Variants in RHOT1 observed in about 807,000 individuals in gnomAD.
RHOT1 encodes the protein mitochondrial Rho GTPase 1.
Under a neutral mutation model 95.3 loss-of-function variants are expected in RHOT1, and 27 were observed. That is an observed-to-expected ratio of 0.28 (90% CI 0.21 to 0.39). The LOEUF (loss-of-function observed/expected upper bound fraction) is 0.39, where lower values mean the gene tolerates loss of function less well. Ranked by LOEUF, RHOT1 falls within the 10% of genes least tolerant of loss-of-function variation. RHOT1 has a pLI of 1.00. For synonymous variants in RHOT1, 227 were observed against 263.5 expected, an observed-to-expected ratio of 0.86 and a Z score of 1.34; for missense variants, 578 against 786.7, an observed-to-expected ratio of 0.73 and a Z score of 3.17.
At chr17:32,211,480 G>A in intron 19 of RHOT1, 2 of 302,332 alleles carry the variant, frequency 6.6e-6, no homozygotes, top group East Asian at 5.6e-5. Context: ...TTTTTCATAA[G>A]GAAGATAAAT....
intron 1 of RHOT1, among the ~76,000 whole-genome samples, chr17:32,144,816 G>T (rs1320967374): frequency 7.5e-6 from 1 of 134,040 alleles, no homozygotes; most frequent in African/African-American, 3.4e-5. Flanking sequence ...GTGAGACCCC[G>T]CCTCAAAAAA....
At chr17:32,149,762 T>C (rs73284184) in intron 1 of RHOT1, among the ~76,000 whole-genome samples, 1 of 150,674 alleles carries the variant, frequency 6.6e-6, no homozygotes, top group Non-Finnish European at 1.5e-5. Context: ...CATATATATA[T>C]AGAGAGAAGA....
chr17:32,224,113 T>A (rs1040527440), intron 19 of RHOT1, among the ~76,000 whole-genome samples: 2 of 152,218 alleles, frequency 1.3e-5, no homozygotes, highest in African/African-American at 4.8e-5. Flanking sequence ...TGTAAATTTT[T>A]ATGAGGCTCA....
intron 1 of RHOT1, chr17:32,150,451 A>G: frequency 1.3e-6 from 1 of 776,490 alleles, no homozygotes; most frequent in Non-Finnish European, 2.1e-6. Flanking sequence ...AAAGTCTACC[A>G]TATTGGAGGT....
At chr17:32,183,128 G>T in intron 7 of RHOT1, 43 bp from the exon 8 acceptor site, 1 of 1,444,020 alleles carries the variant, frequency 6.9e-7, no homozygotes, top group Non-Finnish European at 9.5e-7. Context: ...ATTGTTTTTA[G>T]CTCTCATAAT....
chr17:32,155,821 C>T (rs1349626622), intron 1 of RHOT1, among the ~76,000 whole-genome samples: 1 of 152,222 alleles, frequency 6.6e-6, no homozygotes, highest in African/African-American at 2.4e-5. Flanking sequence ...GGATTACAGA[C>T]ATGAGCCACT....
chr17:32,213,633 C>T (rs919265640), intron 19 of RHOT1, among the ~76,000 whole-genome samples: 2 of 152,168 alleles, frequency 1.3e-5, no homozygotes, highest in Non-Finnish European at 2.9e-5. Context: ...ATCTAATTAG[C>T]AAGCAACATC....
chr17:32,207,953 C>T (rs1305956322), intron 17 of RHOT1, among the ~76,000 whole-genome samples, 154 bp from the exon 18 acceptor site: 1 of 151,984 alleles, frequency 6.6e-6, no homozygotes, highest in Non-Finnish European at 1.5e-5. Flanking sequence ...ATGAGATTTA[C>T]CTAGACCACT....
intron 18 of RHOT1, chr17:32,208,609 A>C: frequency 4.0e-6 from 1 of 252,660 alleles, no homozygotes; most frequent in Non-Finnish European, 7.7e-6. Context: ...ACTGGAATAA[A>C]ATGGGTTTGG....
intron 19 of RHOT1, chr17:32,222,902 G>T: frequency 1.0e-6 from 1 of 985,262 alleles, no homozygotes; most frequent in Non-Finnish European, 1.2e-6. Context: ...CTTGAAGCCA[G>T]GTAACATTTC....
At chr17:32,176,272 T>G (rs2034992366) in intron 6 of RHOT1, 59 bp downstream of exon 6, 8 of 1,335,722 alleles carry the variant, frequency 6.0e-6, no homozygotes, top group Non-Finnish European at 8.5e-6. Flanking sequence ...GCAGAAAAGG[T>G]ACAAGAAGTA....
intron 1 of RHOT1, among the ~76,000 whole-genome samples, chr17:32,158,293 A>G (rs1477938787): frequency 2.6e-5 from 4 of 152,256 alleles, no homozygotes. Context: ...TGGGTCATGT[A>G]GAAGCGTAAG....
chr17:32,216,600 T>C (rs2038492531), intron 19 of RHOT1, among the ~76,000 whole-genome samples: 1 of 152,174 alleles, frequency 6.6e-6, no homozygotes, highest in Non-Finnish European at 1.5e-5. Context: ...ATTAAATATA[T>C]GTGTGACTTT....
At chr17:32,218,211 A>G (rs1427167987) in intron 19 of RHOT1, among the ~76,000 whole-genome samples, 2 of 152,062 alleles carry the variant, frequency 1.3e-5, no homozygotes, top group African/African-American at 2.4e-5. Flanking sequence ...GAAAAGGGCC[A>G]AGCGCAGTGG....
At chr17:32,156,047 A>G (rs1037305176) in intron 1 of RHOT1, among the ~76,000 whole-genome samples, 5 of 152,154 alleles carry the variant, frequency 3.3e-5, no homozygotes, top group Non-Finnish European at 5.9e-5. Flanking sequence ...GGCATGATAA[A>G]TGTAGTTATT....
At chr17:32,151,881 C>CAAAA (rs60313146) in intron 1 of RHOT1, among the ~76,000 whole-genome samples, 4 of 60,800 alleles carry the variant, frequency 6.6e-5, no homozygotes, top group African/African-American at 1.5e-4. Flanking sequence ...GACTCCGTCT[C>CAAAA]AAAAAAAAAA....
At chr17:32,166,588 A>T (rs1038456069) in intron 1 of RHOT1, among the ~76,000 whole-genome samples, 1 of 152,228 alleles carries the variant, frequency 6.6e-6, no homozygotes, top group Non-Finnish European at 1.5e-5. Flanking sequence ...TGCTTTATCA[A>T]CTAAGTTTAT....
At chr17:32,169,387 A>G (rs904866002) in intron 1 of RHOT1, among the ~76,000 whole-genome samples, 16 of 152,252 alleles carry the variant, frequency 1.1e-4, no homozygotes, top group African/African-American at 3.1e-4. Flanking sequence ...TGACGGGAAT[A>G]CAAGTCAAAT....
Position 32,224,598 on chromosome 17 carries a change from T to A in RHOT1, c.1863-18T>A, listed in dbSNP as rs1450645034. The A allele has an allele frequency of 2.6e-6, 4 of 1,549,262 alleles. No homozygotes were observed. In the African/African-American group the frequency reaches 5.5e-5, roughly 21 times the overall value. On this transcript the variant is annotated intron_variant, in intron 19 of 19. Coordinates refer to ENST00000545287, the MANE Select transcript of RHOT1 (RefSeq NM_001033566.3). ...TACTAATCATGTTTTAAATAATAAT[T>A]ATATTTTCTGACTGCAGGCACGTGA...
Sources: gnomAD v4.1 joint callset for allele counts (sites outside exome capture counted in the v4.1 genomes callset) on GRCh38, gnomAD v4.1.1 for gene constraint, MANE v1.5 for transcripts, NCBI Gene and HGNC (gene_info 2026-07-23, HGNC 2026-07-21) for gene names.